The following ADARB1 variants were observed in gnomAD, a reference collection of about 807,000 sequenced individuals.
ADARB1 encodes double-stranded RNA-specific editase 1.
ADARB1 carries 10 observed loss-of-function variants against 52.4 expected under a neutral mutation model. That is an observed-to-expected ratio of 0.19 (90% CI 0.12 to 0.32). ADARB1 has a LOEUF of 0.32. Among genes scored for constraint, ADARB1 ranks in the 10% least tolerant of loss-of-function variants. The probability of loss-of-function intolerance (pLI) is 1.00; values close to 1 mark genes in which losing one functional copy is unlikely to be tolerated. For missense variants in ADARB1, 643 were observed against 922.3 expected, an observed-to-expected ratio of 0.70 and a Z score of 3.92; for synonymous variants, 349 against 371.1, an observed-to-expected ratio of 0.94 and a Z score of 0.68.
At chr21:45,158,778 G>T (rs1327683759) in intron 2 of ADARB1, among the ~76,000 whole-genome samples, 1 of 152,186 alleles carries the variant, frequency 6.6e-6, no homozygotes, top group Admixed American at 6.5e-5. Context: ...CAGTATGCTA[G>T]AATGTACAGG....
chr21:45,214,954 T>G (rs1391381750), intron 9 of ADARB1, among the ~76,000 whole-genome samples: 1 of 152,232 alleles, frequency 6.6e-6, no homozygotes, highest in African/African-American at 2.4e-5. Flanking sequence ...TGAGTAGAAG[T>G]GATGACAGCA....
chr21:45,182,160 G>A lies in ADARB1; in HGVS notation c.1079-425G>A, dbSNP rs148103851. On this transcript the variant is annotated intron_variant, in intron 5 of 10. Coordinates refer to ENST00000348831, the MANE Select transcript of ADARB1 (RefSeq NM_001112.4). ...TTTCCTTCTTATTCCTCTGGGTGCC[G>A]TTAACCCCTCCTTCCTAATCTCTTC... Among the ~76,000 whole-genome samples, 822 of 152,098 alleles carry A rather than the reference G, an allele frequency of 5.4e-3. 6 individuals are homozygous for A. Among genetic ancestry groups the A allele is most frequent in the African/African-American group, 0.018 (760 of 41,552 alleles).
Position 45,208,252 on chromosome 21 carries a change from G to A in ADARB1, c.1747+3516G>A, listed in dbSNP as rs904486287. Among the ~76,000 whole-genome samples the A allele has an allele frequency of 3.9e-5, 6 of 152,210 alleles. No individual in the cohort carries two copies. Among genetic ancestry groups the A allele is most frequent in the Admixed American group, 1.3e-4 (2 of 15,286 alleles). On this transcript the variant is annotated intron_variant, in intron 9 of 10. Transcript: ENST00000348831. This position sits in a 1 kb window ranked among gnomAD's most constrained non-coding sequence, Gnocchi z 5.6. ...AGCAGGGTGCCCAAATGCCGCATGC[G>A]ATGGCTCTGGGGACCTTGTTGACAG...
At chr21:45,181,716 G>A (rs1365118364) in intron 5 of ADARB1, among the ~76,000 whole-genome samples, 1 of 152,238 alleles carries the variant, frequency 6.6e-6, no homozygotes, top group African/African-American at 2.4e-5. Context: ...GTTTACATCT[G>A]AAGCCAGGAC....
intron 2 of ADARB1, among the ~76,000 whole-genome samples, chr21:45,137,738 G>A (rs2089473395): frequency 6.6e-6 from 1 of 152,078 alleles, no homozygotes; most frequent in African/African-American, 2.4e-5. Flanking sequence ...TGGTGGCACT[G>A]TGAGGAAAGT....
chr21:45,171,768 C>A, intron 3 of ADARB1, 84 bp downstream of exon 3: 1 of 1,285,462 alleles, frequency 7.8e-7, no homozygotes, highest in Non-Finnish European at 1.1e-6. Context: ...TTTCATGAGA[C>A]CAGTGTGGGG....
chr21:45,098,104 C>G (rs544077504), intron 1 of ADARB1, among the ~76,000 whole-genome samples: 2 of 152,322 alleles, frequency 1.3e-5, no homozygotes, highest in Admixed American at 6.5e-5. Context: ...TCCCTGCGTT[C>G]GCTTCCCACC....
chr21:45,090,078 G>A (rs149565811), intron 1 of ADARB1, among the ~76,000 whole-genome samples: 130 of 152,168 alleles, frequency 8.5e-4, no homozygotes, highest in Admixed American at 1.4e-3. Flanking sequence ...CCTTTATCTT[G>A]TCTAGCATGT....
chr21:45,223,562 TCTAG>T lies in ADARB1; in HGVS notation c.*1366_*1369del, dbSNP rs1249486480. ...CCAGTGCAGTGCCCAGCTCCAAGGC[TCTAG>T]AGGGTGTTCAGGTGGGTCTCCTGGG... On this transcript the variant is annotated 3_prime_UTR_variant, in exon 11 of 11. Transcript: ENST00000348831. 1.0e-6 allele frequency: 1 copy of T among 985,622 alleles called. No individual in the cohort carries two copies. Among genetic ancestry groups the T allele is most frequent in the East Asian group, 1.1e-4 (1 of 8,814 alleles). 61.1% of individuals were successfully genotyped at this position (985,622 alleles called of 1,614,324 possible). A position where few individuals can be genotyped will look rare whatever the true frequency, so the allele number is the denominator to read the frequency against.
In ADARB1 at chr21:45,142,517, G is replaced by A. The variant is rs1225151310; in HGVS notation, c.-48+13944G>A. On this transcript the variant is annotated intron_variant, in intron 2 of 10. Coordinates refer to ENST00000348831, the MANE Select transcript of ADARB1 (RefSeq NM_001112.4). The surrounding 1 kb of genome is among the most constrained non-coding windows in gnomAD (Gnocchi z 4.0). Reference sequence around the variant, plus strand: ...GGAATCTTAATTGAGAAAATAAGTAGTTGTGTTTTTTCTTTAACTGGGCAG... The same window carrying A: ...GGAATCTTAATTGAGAAAATAAGTAATTGTGTTTTTTCTTTAACTGGGCAG... Among the ~76,000 whole-genome samples the A allele has an allele frequency of 6.6e-6, 1 of 152,212 alleles. No homozygotes were observed. Among genetic ancestry groups the A allele is most frequent in the Non-Finnish European group, 1.5e-5 (1 of 68,042 alleles).
rs920665976 is a variant in ADARB1 at position 45,074,598 on chromosome 21, TGGCGGCGGC to T, written c.-399_-391del. ...CGGGGCTGAGGCGCTGAGGCGGCCG[TGGCGGCGGC>T]GGCGGCGGCGGCGGCAGCGGCGGCC... On this transcript the variant is annotated 5_prime_UTR_variant, in exon 1 of 11. Transcript: ENST00000348831. 4.2e-4 allele frequency: 61 copies of T among 145,362 alleles called. No individual in the cohort carries two copies. The highest frequency in any genetic ancestry group is 3.5e-3 in the Middle Eastern group (1 of 286). The allele number at this position is 145,362 out of a possible 1,614,324, so 9.0% of individuals were successfully genotyped here.
intron 1 of ADARB1, among the ~76,000 whole-genome samples, chr21:45,075,375 AG>A (rs1356754518): frequency 1.3e-5 from 2 of 150,892 alleles, no homozygotes; most frequent in Non-Finnish European, 3.0e-5. Flanking sequence ...GGGCCCGGGC[AG>A]GGGAGGCTGC....
Position 45,139,480 on chromosome 21 carries a change from C to G in ADARB1, c.-48+10907C>G, listed in dbSNP as rs116333988. Among the ~76,000 whole-genome samples, 1,335 of 152,184 alleles carry G rather than the reference C, an allele frequency of 8.8e-3. 22 individuals carry two copies. Among genetic ancestry groups the G allele is most frequent in the African/African-American group, 0.03 (1,227 of 41,506 alleles). On this transcript the variant is annotated intron_variant, in intron 2 of 10. Transcript: ENST00000348831. ...CCTTGATTTTTTGGCTCCGTTTTCT[C>G]TTTTTCCCATATTCTTGCCTGGCAT... is the stretch of plus-strand genomic sequence containing the variant.
rs377292755 is a variant in ADARB1 at position 45,116,417 on chromosome 21, CTG to C, written c.-219-11982_-219-11981del. On this transcript the variant is annotated intron_variant, in intron 1 of 10. Coordinates refer to ENST00000348831, the MANE Select transcript of ADARB1 (RefSeq NM_001112.4). The stretch of plus-strand genomic sequence containing the variant: ...TTAGAAACAGTATGCTTATTACAGA[CTG>C]TGCAGACTTTGCAGAAATGCAAAAC... Among the ~76,000 whole-genome samples, 106 of 152,372 alleles carry C rather than the reference CTG, an allele frequency of 7.0e-4. No individual in the cohort carries two copies. In the South Asian group the frequency reaches 0.011, roughly 16 times the overall value.
intron 2 of ADARB1, among the ~76,000 whole-genome samples, chr21:45,153,320 G>C (rs761142810): frequency 6.9e-6 from 1 of 144,440 alleles, no homozygotes; most frequent in East Asian, 2.1e-4. Flanking sequence ...GACCTAAATT[G>C]CTGCTTTAAA....
chr21:45,159,885 A>G (rs2146023827), intron 2 of ADARB1, among the ~76,000 whole-genome samples: 1 of 152,240 alleles, frequency 6.6e-6, no homozygotes, highest in East Asian at 1.9e-4. Flanking sequence ...TCCTGAGCCA[A>G]CCTGTCACTT....
At chr21:45,105,626 A>G (rs1191175821) in intron 1 of ADARB1, among the ~76,000 whole-genome samples, 3 of 152,250 alleles carry the variant, frequency 2.0e-5, no homozygotes, top group South Asian at 2.1e-4. Flanking sequence ...TATTTTGAAC[A>G]CTAAAGCTAA....
At chr21:45,095,044 G>T (rs1411008839) in intron 1 of ADARB1, among the ~76,000 whole-genome samples, 1 of 152,214 alleles carries the variant, frequency 6.6e-6, no homozygotes, top group Non-Finnish European at 1.5e-5. Context: ...CCTCTGAAAT[G>T]GGTCTTGCTA....
intron 1 of ADARB1, among the ~76,000 whole-genome samples, chr21:45,100,089 G>T (rs766573501): frequency 1.3e-5 from 2 of 152,062 alleles, no homozygotes; most frequent in African/African-American, 4.8e-5. Flanking sequence ...TTCTCCCCCC[G>T]TGTTAAAGAT....
Sources: allele counts gnomAD v4.1 joint callset (sites outside exome capture counted in the v4.1 genomes callset), GRCh38; gene constraint gnomAD v4.1.1; non-coding constraint Gnocchi (gnomAD v3.1); transcripts MANE v1.5; gene names NCBI Gene and HGNC (gene_info 2026-07-23, HGNC 2026-07-21).